The following ATE1 variants were observed in gnomAD, a reference collection of about 807,000 sequenced individuals.
ATE1 encodes arginyl-tRNA--protein transferase 1.
In ATE1, 36 loss-of-function variants were observed where a neutral mutation model predicts 70.5. The observed-to-expected ratio is 0.51, with a 90% CI of 0.39 to 0.67. The LOEUF (loss-of-function observed/expected upper bound fraction) is 0.67, where lower values mean the gene tolerates loss of function less well. Ranked by LOEUF, ATE1 falls within the 30% of genes least tolerant of loss-of-function variation. ATE1 has a pLI of 0.00. For missense variants in ATE1, 593 were observed against 629.5 expected (o/e 0.94, Z 0.62); for synonymous variants, 232 against 219.3 (o/e 1.06, Z -0.51).
At chr10:121,824,150 TCTC>T (rs1204034786) in intron 10 of ATE1, among the ~76,000 whole-genome samples, 2 of 152,128 alleles carry the variant, frequency 1.3e-5, no homozygotes, top group African/African-American at 4.8e-5. Context: ...CTTACTAAAT[TCTC>T]CTGTGGTAAT....
intron 8 of ATE1, among the ~76,000 whole-genome samples, chr10:121,852,567 C>T (rs955769445): frequency 2.6e-5 from 4 of 151,894 alleles, no homozygotes; most frequent in Admixed American, 1.3e-4. Context: ...AAAAATTAGC[C>T]GGACATGGTG....
At chr10:121,850,730 T>G (rs933903137) in intron 8 of ATE1, among the ~76,000 whole-genome samples, 2 of 152,186 alleles carry the variant, frequency 1.3e-5, no homozygotes, top group African/African-American at 4.8e-5. Flanking sequence ...AGATGTGGAT[T>G]TGAGCCCTAA....
At chr10:121,793,024 T>TA (rs1946515296) in intron 10 of ATE1, among the ~76,000 whole-genome samples, 1 of 152,138 alleles carries the variant, frequency 6.6e-6, no homozygotes, top group African/African-American at 2.4e-5. Flanking sequence ...AACATATATT[T>TA]AAAAACAGAC....
At position 121,740,713 on chromosome 10, in the gene ATE1, A is replaced by G. The variant is rs1322827396; in HGVS notation, c.*2967T>C. 1 of 152,244 alleles carries G rather than the reference A, an allele frequency of 6.6e-6. No individual in the cohort carries two copies. Among genetic ancestry groups the G allele is most frequent in the Non-Finnish European group, 1.5e-5 (1 of 68,038 alleles). 9.4% of individuals were successfully genotyped at this position (152,244 alleles called of 1,614,324 possible). A position where few individuals can be genotyped will look rare whatever the true frequency, so the allele number is the denominator to read the frequency against. ...AATATAAAGCCTATAAAATCAAAGC[A>G]TATACTGTTCAGAAATCTGGAAAGG... On this transcript the variant is annotated 3_prime_UTR_variant, in exon 12 of 12. Coordinates refer to ENST00000224652, the MANE Select transcript of ATE1 (RefSeq NM_001001976.3).
intron 1 of ATE1, among the ~76,000 whole-genome samples, chr10:121,926,550 A>C (rs911341131): frequency 6.6e-6 from 1 of 152,252 alleles, no homozygotes; most frequent in African/African-American, 2.4e-5. Context: ...GTGAAATACA[A>C]GACATTTATG....
intron 10 of ATE1, among the ~76,000 whole-genome samples, chr10:121,795,569 T>C (rs1210633187): frequency 6.6e-6 from 1 of 152,232 alleles, no homozygotes; most frequent in African/African-American, 2.4e-5. Flanking sequence ...AGACCATAAA[T>C]GCATACATTT....
chr10:121,838,026 T>C lies in ATE1; in HGVS notation c.1158-1209A>G, dbSNP rs564657658. On this transcript the variant is annotated intron_variant, in intron 9 of 11. Coordinates refer to ENST00000224652, the MANE Select transcript of ATE1 (RefSeq NM_001001976.3). ...AATCCATCAGCAGGTCTTTTGGGCT[T>C]TCTCTCTAAAATATGTCTTGAATCT... Among the ~76,000 whole-genome samples the C allele has an allele frequency of 8.5e-5, 13 of 152,174 alleles. 1 individual carries two copies. The highest frequency in any genetic ancestry group is 3.1e-4 in the African/African-American group (13 of 41,524).
At chr10:121,804,714 T>C (rs1947026288) in intron 10 of ATE1, among the ~76,000 whole-genome samples, 1 of 151,216 alleles carries the variant, frequency 6.6e-6, no homozygotes, top group Non-Finnish European at 1.5e-5. Context: ...CAGCACACAT[T>C]CTAGCAACTT....
chr10:121,905,835 G>A (rs1038992129), intron 5 of ATE1, among the ~76,000 whole-genome samples: 5 of 137,604 alleles, frequency 3.6e-5, no homozygotes, highest in African/African-American at 1.4e-4. Flanking sequence ...AACACAGCGA[G>A]ACTCTGTCTC....
At chr10:121,867,278 A>G (rs780572951) in intron 8 of ATE1, among the ~76,000 whole-genome samples, 1 of 152,206 alleles carries the variant, frequency 6.6e-6, no homozygotes, top group African/African-American at 2.4e-5. Context: ...TTTATTAAGA[A>G]GCATCTTTGC....
At chr10:121,917,053 A>G (rs1447406957) in intron 3 of ATE1, among the ~76,000 whole-genome samples, 1 of 151,672 alleles carries the variant, frequency 6.6e-6, no homozygotes. Flanking sequence ...AATCCCAGCT[A>G]CTCAGGAGGC....
At chr10:121,910,258 A>G (rs1486254540) in intron 5 of ATE1, among the ~76,000 whole-genome samples, 2 of 152,226 alleles carry the variant, frequency 1.3e-5, no homozygotes, top group Admixed American at 1.3e-4. Context: ...GCATAAATAT[A>G]AGAACTAATT....
intron 11 of ATE1, among the ~76,000 whole-genome samples, chr10:121,754,517 G>A (rs185081159): frequency 2.6e-5 from 4 of 152,258 alleles, no homozygotes; most frequent in Middle Eastern, 3.4e-3. Context: ...ATGAGATTCC[G>A]TGAGTCAATA....
Position 121,827,324 on chromosome 10 carries a change from A to G in ATE1, c.1257+9394T>C, listed in dbSNP as rs117358217. 8.5e-5 allele frequency among the ~76,000 whole-genome samples: 13 copies of G among 152,196 alleles called. No individual in the cohort carries two copies. The East Asian group carries it at 2.5e-3, about 29-fold the overall frequency. On this transcript the variant is annotated intron_variant, in intron 10 of 11. Transcript: ENST00000224652. ...ACTGTGCCCAGCAAATTTTTTTTAAAAAGAGGAGACAGAGGAGAGAAAATT... is the reference window on the plus strand; with the variant it reads ...ACTGTGCCCAGCAAATTTTTTTTAAGAAGAGGAGACAGAGGAGAGAAAATT...
intron 3 of ATE1, among the ~76,000 whole-genome samples, chr10:121,915,093 G>A (rs1292106192): frequency 2.6e-5 from 4 of 152,132 alleles, no homozygotes; most frequent in African/African-American, 4.8e-5. Flanking sequence ...GATAGGTACC[G>A]AACAAACTGG....
intron 10 of ATE1, among the ~76,000 whole-genome samples, chr10:121,793,192 AAAT>A (rs1450854212): frequency 6.6e-6 from 1 of 152,226 alleles, no homozygotes; most frequent in African/African-American, 2.4e-5. Context: ...CCAGAAATGC[AAAT>A]TAAAACCATA....
chr10:121,834,076 C>A (rs1384744394), intron 10 of ATE1, among the ~76,000 whole-genome samples: 2 of 152,210 alleles, frequency 1.3e-5, no homozygotes, highest in African/African-American at 2.4e-5. Context: ...CAGTGCTACA[C>A]TAGCTGTTTC....
chr10:121,745,438 G>C (rs137985104), intron 11 of ATE1, among the ~76,000 whole-genome samples: 58 of 152,216 alleles, frequency 3.8e-4, no homozygotes, highest in Non-Finnish European at 5.3e-4. Context: ...AACCACAGGC[G>C]GGGTGCAGTG....
At chr10:121,866,362 C>G (rs1949663158) in intron 8 of ATE1, among the ~76,000 whole-genome samples, 1 of 152,138 alleles carries the variant, frequency 6.6e-6, no homozygotes, top group Non-Finnish European at 1.5e-5. Context: ...TCTTCCTCTC[C>G]AATGTCATAA....
Sources: gnomAD v4.1 joint callset for allele counts (sites outside exome capture counted in the v4.1 genomes callset) on GRCh38, gnomAD v4.1.1 for gene constraint, MANE v1.5 for transcripts, NCBI Gene and HGNC (gene_info 2026-07-23, HGNC 2026-07-21) for gene names.